PCK2: variants seen among roughly 807,000 people sequenced by gnomAD.
PCK2 encodes the protein phosphoenolpyruvate carboxykinase 2, mitochondrial, also known as phosphoenolpyruvate carboxykinase [GTP], mitochondrial.
PCK2 carries 56 observed loss-of-function variants against 65.9 expected under a neutral mutation model. The observed-to-expected ratio is 0.85, with a 90% CI of 0.69 to 1.06. The LOEUF is 1.06. PCK2 is among the 50% of genes least tolerant of loss of function. PCK2 has a pLI of 0.00. For synonymous variants in PCK2, 305 were observed against 319.6 expected (o/e 0.95, Z 0.49); for missense variants, 843 against 863.1 (o/e 0.98, Z 0.29).
chr14:24,094,316 T>TAAG lies in PCK2; in HGVS notation c.-90_-89insAAG. On this transcript the variant is annotated 5_prime_UTR_variant, in exon 1 of 10. Transcript: ENST00000216780. This position sits in a 1 kb window ranked among gnomAD's most constrained non-coding sequence, Gnocchi z 4.1. The stretch of plus-strand genomic sequence containing the variant: ...GCCTCCCGCCAGCCTCTGCTGTGGC[T>TAAG]CGCTTCGCCGCGCTCCCTCCTTCCC... 2.3e-6 allele frequency: 3 copies of TAAG among 1,324,976 alleles called. No individual in the cohort carries two copies. The highest frequency in any genetic ancestry group is 3.1e-6 in the Non-Finnish European group (3 of 959,980). The allele number at this position is 1,324,976 out of a possible 1,614,324, so 82.1% of individuals were successfully genotyped here. A position where few individuals can be genotyped will look rare whatever the true frequency, so the allele number is the denominator to read the frequency against.
At position 24,102,680 on chromosome 14, in the gene PCK2, G is replaced by A. The variant is rs558732529; in HGVS notation, c.1235-73G>A. The stretch of plus-strand genomic sequence containing the variant: ...AAAAAAAAAAGAACCCTGCAAGAAT[G>A]TGTGCCCATGTATGTGTGTGTTGGG... On this transcript the variant is annotated intron_variant, in intron 7 of 9. Transcript: ENST00000216780. 100 of 1,212,598 alleles carry A rather than the reference G, an allele frequency of 8.2e-5. No homozygotes were observed. The African/African-American group carries it at 1.4e-3, about 17-fold the overall frequency. The allele number at this position is 1,212,598 out of a possible 1,614,324, so 75.1% of individuals were successfully genotyped here. A position where few individuals can be genotyped will look rare whatever the true frequency, so the allele number is the denominator to read the frequency against.
intron 7 of PCK2, among the ~76,000 whole-genome samples, chr14:24,101,751 G>A (rs2037169669): frequency 6.6e-6 from 1 of 151,726 alleles, no homozygotes; most frequent in East Asian, 1.9e-4. Flanking sequence ...GCAAAACCCC[G>A]TCTCCAATAA....
At position 24,094,983 on chromosome 14, in the gene PCK2, G is replaced by A. The variant is rs7156025; in HGVS notation, c.29+549G>A. On this transcript the variant is annotated intron_variant, in intron 1 of 9. Transcript: ENST00000216780. The surrounding 1 kb of genome is among the most constrained non-coding windows in gnomAD (Gnocchi z 4.1). ...GAGCAGCCCGAGGGACCTGGGCCCAGGGGAGGGAGGCAAGCAAGGTGGGAG... is the reference window on the plus strand; with the variant it reads ...GAGCAGCCCGAGGGACCTGGGCCCAAGGGAGGGAGGCAAGCAAGGTGGGAG... 82 of 626,772 alleles carry A rather than the reference G, an allele frequency of 1.3e-4. No homozygotes were observed. In the African/African-American group the frequency reaches 1.4e-3, roughly 11 times the overall value. 38.8% of individuals were successfully genotyped at this position (626,772 alleles called of 1,614,324 possible).
chr14:24,100,205 G>A lies in PCK2; in HGVS notation c.1226G>A (p.Trp409Ter). The A allele has an allele frequency of 3.1e-6, 5 of 1,614,172 alleles. No individual in the cohort carries two copies. The highest frequency in any genetic ancestry group is 4.2e-6 in the Non-Finnish European group (5 of 1,180,002). ...VTVTSWLGKP[W>*]KPGDKEPCAH... is the part of the protein sequence containing the mutation. Reference sequence around the variant, plus strand: ...GTGACCTCCTGGCTGGGCAAACCCTGGAAACCTGGTATGTGCGGTGGGGAA... The same window carrying A: ...GTGACCTCCTGGCTGGGCAAACCCTAGAAACCTGGTATGTGCGGTGGGGAA... Residue 409 changes from tryptophan to a stop codon, truncating the protein, a stop_gained, in exon 7 of 10, where the codon TGG becomes TAG. Coordinates refer to ENST00000216780, the MANE Select transcript of PCK2 (RefSeq NM_004563.4). LOFTEE classifies it high-confidence loss of function.
In PCK2 at chr14:24,103,529, C is replaced by A; in HGVS notation, c.1488C>A (p.Asp496Glu). Reference protein sequence around the residue: ...AEHKGKIIMHDPFAMRPFFGY... With the variant: ...AEHKGKIIMHEPFAMRPFFGY... ...CCCCAGGGAAGATCATCATGCACGA[C>A]CCATTTGCCATGCGGCCCTTTTTTG... The change falls in exon 10 of 10, where the codon GAC (aspartate) becomes GAA (glutamate). Residue 496 changes from aspartate to glutamate, a missense_variant. Coordinates refer to ENST00000216780, the MANE Select transcript of PCK2 (RefSeq NM_004563.4). 1.3e-6 allele frequency: 2 copies of A among 1,557,860 alleles called. No homozygotes were observed. Among genetic ancestry groups the A allele is most frequent in the Non-Finnish European group, 1.7e-6 (2 of 1,150,740 alleles).
In PCK2 at chr14:24,095,282, G is replaced by A. The variant is rs573981889; in HGVS notation, c.29+848G>A. ...GTGGGGGCTTCACAAGAGATAACGT[G>A]AGCCAGGCTCCAGGGAGAGAGAGGC... On this transcript the variant is annotated intron_variant, in intron 1 of 9. Coordinates refer to ENST00000216780, the MANE Select transcript of PCK2 (RefSeq NM_004563.4). 2.0e-5 allele frequency: 9 copies of A among 453,304 alleles called. No homozygotes were observed. The East Asian group carries it at 5.6e-4, about 28-fold the overall frequency. 28.1% of individuals were successfully genotyped at this position (453,304 alleles called of 1,614,324 possible). A position where few individuals can be genotyped will look rare whatever the true frequency, so the allele number is the denominator to read the frequency against.
At position 24,096,947 on chromosome 14, in the gene PCK2, ACC is replaced by A; in HGVS notation, c.87_88del (p.Leu30AlafsTer4). 6.2e-7 allele frequency: 1 copy of A among 1,613,528 alleles called. No individual in the cohort carries two copies. The highest frequency in any genetic ancestry group is 2.2e-5 in the East Asian group (1 of 44,872). On this transcript the variant is annotated frameshift_variant, in exon 2 of 10. Transcript: ENST00000216780. LOFTEE classifies it high-confidence loss of function. ...CTGGCCATCATGCCGTAGCATCCAG[ACC>A]CTGCGAGTGCTTAGTGGAGATCTGG... ...LGWPSCRSIQ[T>X]LRVLSGDLGQ...
In PCK2 at chr14:24,099,137, C is replaced by T. The variant is rs376443548; in HGVS notation, c.753C>T (p.Ser251=). 24 of 1,611,646 alleles carry T rather than the reference C, an allele frequency of 1.5e-5. 1 individual carries two copies. The highest frequency in any genetic ancestry group is 3.3e-4 in the Middle Eastern group (2 of 6,060). The change falls in exon 5 of 10, where the codon AGC becomes AGT. Residue 251 remains serine (S), a synonymous_variant. Coordinates refer to ENST00000216780, the MANE Select transcript of PCK2 (RefSeq NM_004563.4). ...PDQREIISFG[S]GYGGNSLLGK... ...AGCGGGAGATCATCTCCTTCGGCAG[C>T]GGCTATGGTGGCAACTCCCTGCTGG...
rs2037073809 is a variant in PCK2, at chr14:24,099,656, A to G, written c.951A>G (p.Ala317=). The part of the protein sequence containing the change: ...GKTNLAMMRP[A]LPGWKVECVG... ...CCAACCTGGCTATGATGCGGCCTGC[A>G]CTGCCAGGCTGGAAAGTGGAGTGTG... Residue 317 remains alanine (A), a synonymous_variant, in exon 6 of 10, where the codon GCA becomes GCG. Coordinates refer to ENST00000216780, the MANE Select transcript of PCK2 (RefSeq NM_004563.4). 4 of 1,613,694 alleles carry G rather than the reference A, an allele frequency of 2.5e-6. No individual in the cohort carries two copies. The East Asian group carries it at 8.9e-5, about 36-fold the overall frequency.
chr14:24,098,920 G>A, intron 4 of PCK2, 129 bp from the exon 5 acceptor site: 1 of 773,502 alleles, frequency 1.3e-6, no homozygotes. Context: ...ATGAGGTGGG[G>A]GGCTTCAGCC....
In PCK2 at chr14:24,098,274, A is replaced by AAG. The variant is rs2036986664; in HGVS notation, c.347_348insAG (p.Arg117GlyfsTer76). 6.2e-7 allele frequency: 1 copy of AAG among 1,613,926 alleles called. No individual in the cohort carries two copies. The highest frequency in any genetic ancestry group is 1.7e-5 in the Admixed American group (1 of 60,002). ...AAGACGGTGATTGTAACTCCTTCTC[A>AAG]GCGGGACACGGTACCACTCCCGCCT... On this transcript the variant is annotated frameshift_variant, in exon 3 of 10. Transcript: ENST00000216780. LOFTEE classifies it high-confidence loss of function.
rs1306819895 is a variant in PCK2 at position 24,102,886 on chromosome 14, CA to C, written c.1371del (p.Val459TyrfsTer58). The C allele has an allele frequency of 6.2e-7, 1 of 1,613,220 alleles. No homozygotes were observed. The highest frequency in any genetic ancestry group is 1.1e-5 in the South Asian group (1 of 90,968). On this transcript the variant is annotated frameshift_variant, in exon 8 of 10. Coordinates refer to ENST00000216780, the MANE Select transcript of PCK2 (RefSeq NM_004563.4). LOFTEE classifies it high-confidence loss of function. ...CCATCATCTTTGGTGGCCGCAGACC[CA>C]AAGGTAAACAACATATGAGCTCCAT... ...DAIIFGGRRP[K>X]GVPLVYEAFN... is the part of the protein sequence containing the mutation.
chr14:24,097,564 CA>C (rs61077083), intron 2 of PCK2, among the ~76,000 whole-genome samples: 90,016 of 138,772 alleles, frequency 0.65, 29,831 homozygotes, highest in Non-Finnish European at 0.75. Flanking sequence ...AACTCTGTCT[CA>C]AAAAAAAAAA....
At chr14:24,097,267 C>G (rs1239358233) in intron 2 of PCK2, 130 bp downstream of exon 2, 1 of 852,562 alleles carries the variant, frequency 1.2e-6, no homozygotes, top group Non-Finnish European at 1.8e-6. Flanking sequence ...GTAAACAGAC[C>G]CAGAAACTGG....
At chr14:24,100,283 C>A in intron 7 of PCK2, 70 bp downstream of exon 7, 2 of 1,581,472 alleles carry the variant, frequency 1.3e-6, no homozygotes, top group Non-Finnish European at 1.7e-6. Context: ...AAGCTTTCTC[C>A]ACAACCTCCA....
At chr14:24,096,632 C>A (rs545719193) in intron 1 of PCK2, among the ~76,000 whole-genome samples, 1 of 152,296 alleles carries the variant, frequency 6.6e-6, no homozygotes, top group African/African-American at 2.4e-5. Context: ...TACTTCCACA[C>A]AGCCAGGCAT....
chr14:24,097,520 C>T (rs1189880218), intron 2 of PCK2, among the ~76,000 whole-genome samples: 1 of 150,814 alleles, frequency 6.6e-6, no homozygotes, highest in Non-Finnish European at 1.5e-5. Flanking sequence ...GCCAAGATCG[C>T]GTCATTGCAC....
chr14:24,098,771 T>TG, intron 4 of PCK2, 93 bp downstream of exon 4: 1 of 1,093,124 alleles, frequency 9.1e-7, no homozygotes, highest in Non-Finnish European at 1.3e-6. Flanking sequence ...CCTAAGAACC[T>TG]GTCCTCTCTG....
rs376631075 is a variant in PCK2 at position 24,102,799 on chromosome 14, G to A, written c.1281G>A (p.Pro427=). ...CAHPNSRFCA[P]ARQCPIMDPA... Reference sequence around the variant, plus strand: ...ATCCCAACTCTCGATTTTGTGCCCCGGCTCGCCAGTGCCCCATCATGGACC... The same window carrying A: ...ATCCCAACTCTCGATTTTGTGCCCCAGCTCGCCAGTGCCCCATCATGGACC... Residue 427 remains proline (P), a synonymous_variant, in exon 8 of 10, where the codon CCG becomes CCA. Transcript: ENST00000216780. 74 of 1,613,904 alleles carry A rather than the reference G, an allele frequency of 4.6e-5. 1 individual carries two copies. The South Asian group carries it at 6.6e-4, about 14-fold the overall frequency.
Sources: allele counts gnomAD v4.1 joint callset (sites outside exome capture counted in the v4.1 genomes callset), GRCh38; gene constraint gnomAD v4.1.1; non-coding constraint Gnocchi (gnomAD v3.1); transcripts MANE v1.5; gene names NCBI Gene and HGNC (gene_info 2026-07-23, HGNC 2026-07-21).